The following ASB13 variants were observed in gnomAD, a reference collection of about 807,000 sequenced individuals.
ASB13 encodes the protein ankyrin repeat and SOCS box protein 13.
A neutral mutation model predicts 28.8 loss-of-function variants in ASB13; 33 were observed. The ratio of observed to expected loss-of-function variants is 1.15; its 90% CI spans 0.87 to 1.53. The LOEUF (loss-of-function observed/expected upper bound fraction) is 1.53, where lower values mean the gene tolerates loss of function less well. ASB13 is among the 40% of genes most tolerant of loss of function. The pLI, the probability that ASB13 is intolerant of heterozygous loss-of-function variation, is 0.00. For synonymous variants in ASB13, 182 were observed against 172.9 expected (o/e 1.05, Z -0.41); for missense variants, 414 against 390.1 (o/e 1.06, Z -0.52).
Position 5,645,013 on chromosome 10 carries a change from A to C in ASB13, c.518-3052T>G, listed in dbSNP as rs1046001522. 6.6e-5 allele frequency among the ~76,000 whole-genome samples: 10 copies of C among 152,192 alleles called. No individual in the cohort carries two copies. Among genetic ancestry groups the C allele is most frequent in the African/African-American group, 2.4e-4 (10 of 41,434 alleles). ...GACAAAGACAGGGAGCCAGGAAACA[A>C]GCAGGGAATTAAAAGCTCTGAACTT... On this transcript the variant is annotated intron_variant, in intron 4 of 5. Transcript: ENST00000357700. The surrounding 1 kb of genome is among the most constrained non-coding windows in gnomAD (Gnocchi z 5.4).
At position 5,641,891 on chromosome 10, in the gene ASB13, G is replaced by C; in HGVS notation, c.588C>G (p.Asp196Glu). 6.2e-7 allele frequency: 1 copy of C among 1,614,166 alleles called. No homozygotes were observed. Among genetic ancestry groups the C allele is most frequent in the South Asian group, 1.1e-5 (1 of 91,082 alleles). Residue 196 changes from aspartate (D) to glutamate (E), a missense_variant, in exon 5 of 6, where the codon GAC becomes GAG. Transcript: ENST00000357700. This position sits in a 1 kb window ranked among gnomAD's most constrained non-coding sequence, Gnocchi z 8.4. ...CAAACTCGATAAGCATCTCGATGAG[G>C]TCAACATTCTTGACCTTGGCCGCGT... ...LHHAAKVKNV[D>E]LIEMLIEFGG...
Position 5,647,222 on chromosome 10 carries a change from G to T in ASB13, c.517+1748C>A, listed in dbSNP as rs80194115. On this transcript the variant is annotated intron_variant, in intron 4 of 5. Coordinates refer to ENST00000357700, the MANE Select transcript of ASB13 (RefSeq NM_024701.4). ...AATCCTCCCGCCTCAGCCTCCCAAA[G>T]TGCTGAGACTATGGCTGTGAGCCAC... is the stretch of plus-strand genomic sequence containing the variant. Among the ~76,000 whole-genome samples the T allele has an allele frequency of 1.2e-3, 176 of 152,270 alleles. 5 individuals are homozygous for T. The East Asian group carries it at 0.03, about 26-fold the overall frequency.
Position 5,650,243 on chromosome 10 carries a change from T to C in ASB13, c.382+970A>G, listed in dbSNP as rs1003521843. 1.3e-5 allele frequency among the ~76,000 whole-genome samples: 2 copies of C among 152,136 alleles called. No individual in the cohort carries two copies. ...GATCTCAGCGATGGTCCCCAACTCA[T>C]CCCTCTGCTTCCAGGAGACCCCAGC... On this transcript the variant is annotated intron_variant, in intron 3 of 5. Transcript: ENST00000357700. The surrounding 1 kb of genome is among the most constrained non-coding windows in gnomAD (Gnocchi z 6.0).
In ASB13 at chr10:5,655,103, TAA is replaced by T. The variant is rs75163537; in HGVS notation, c.44-2055_44-2054del. On this transcript the variant is annotated intron_variant, in intron 1 of 5. Transcript: ENST00000357700. This position sits in a 1 kb window ranked among gnomAD's most constrained non-coding sequence, Gnocchi z 6.2. The stretch of plus-strand genomic sequence containing the variant: ...GGCAACAAGAGTGAAACTCTGTCTT[TAA>T]AAAAAAAAAAAAAGTGTCTGCATCG... 7.8e-5 allele frequency among the ~76,000 whole-genome samples: 11 copies of T among 140,726 alleles called. No individual in the cohort carries two copies. The highest frequency in any genetic ancestry group is 2.3e-4 in the South Asian group (1 of 4,384). 92.3% of individuals were successfully genotyped at this position (140,726 alleles called of 152,430 possible).
rs539424909 is a variant in ASB13, at chr10:5,659,627, C to A, written c.44-6577G>T. Among the ~76,000 whole-genome samples the A allele has an allele frequency of 3.3e-5, 5 of 152,146 alleles. No homozygotes were observed. The South Asian group carries it at 1.0e-3, about 32-fold the overall frequency. Reference sequence around the variant, plus strand: ...AATTCCTCGACTGAGGGGACCCCTGCTCCTTCAGGAAGCCTCCCGAGCATG... The same window carrying A: ...AATTCCTCGACTGAGGGGACCCCTGATCCTTCAGGAAGCCTCCCGAGCATG... On this transcript the variant is annotated intron_variant, in intron 1 of 5. Coordinates refer to ENST00000357700, the MANE Select transcript of ASB13 (RefSeq NM_024701.4). The surrounding 1 kb of genome is among the most constrained non-coding windows in gnomAD (Gnocchi z 5.8).
In ASB13 at chr10:5,642,597, A is replaced by G; in HGVS notation, c.518-636T>C. On this transcript the variant is annotated intron_variant, in intron 4 of 5. Coordinates refer to ENST00000357700, the MANE Select transcript of ASB13 (RefSeq NM_024701.4). This position sits in a 1 kb window ranked among gnomAD's most constrained non-coding sequence, Gnocchi z 4.1. ...AAAAAAAAATTTTTTTTTAAAAAAA[A>G]GAGCAGACATTCAGAAAGATGCAAG... 9.8e-7 allele frequency: 1 copy of G among 1,015,774 alleles called. No homozygotes were observed. The highest frequency in any genetic ancestry group is 2.8e-4 in the Middle Eastern group (1 of 3,518). The allele number at this position is 1,015,774 out of a possible 1,614,324, so 62.9% of individuals were successfully genotyped here. A position where few individuals can be genotyped will look rare whatever the true frequency, so the allele number is the denominator to read the frequency against.
At chr10:5,653,869 AT>A (rs1401874810) in intron 1 of ASB13, among the ~76,000 whole-genome samples, 3 of 152,088 alleles carry the variant, frequency 2.0e-5, no homozygotes, top group Non-Finnish European at 4.4e-5. Flanking sequence ...TTCAGTAGAG[AT>A]GGGGTTTCAC....
At position 5,655,551 on chromosome 10, in the gene ASB13, T is replaced by C. The variant is rs149131912; in HGVS notation, c.44-2501A>G. Among the ~76,000 whole-genome samples, 4 of 152,264 alleles carry C rather than the reference T, an allele frequency of 2.6e-5. No individual in the cohort carries two copies. In the East Asian group the frequency reaches 7.7e-4, roughly 29 times the overall value. ...AAGAGCCCGGGTGACCCTATGTCAG[T>C]GGAAGTGGGGACTAGGGAGAACTGA... On this transcript the variant is annotated intron_variant, in intron 1 of 5. Transcript: ENST00000357700. This position sits in a 1 kb window ranked among gnomAD's most constrained non-coding sequence, Gnocchi z 6.2.
At position 5,651,046 on chromosome 10, in the gene ASB13, C is replaced by T. The variant is rs1210687366; in HGVS notation, c.382+167G>A. On this transcript the variant is annotated intron_variant, in intron 3 of 5. Coordinates refer to ENST00000357700, the MANE Select transcript of ASB13 (RefSeq NM_024701.4). This position sits in a 1 kb window ranked among gnomAD's most constrained non-coding sequence, Gnocchi z 5.1. ...ACCTCAAGAAGGGAAAGCTTAGAAT[C>T]TCTGCAGCTGAGCCACCAGGAGCCA... Among the ~76,000 whole-genome samples, 4 of 152,236 alleles carry T rather than the reference C, an allele frequency of 2.6e-5. No homozygotes were observed. Among genetic ancestry groups the T allele is most frequent in the South Asian group, 2.1e-4 (1 of 4,836 alleles).
In ASB13 at chr10:5,663,917, CTG is replaced by C. The variant is rs1244913442; in HGVS notation, c.43+2590_43+2591del. On this transcript the variant is annotated intron_variant, in intron 1 of 5. Coordinates refer to ENST00000357700, the MANE Select transcript of ASB13 (RefSeq NM_024701.4). This position sits in a 1 kb window ranked among gnomAD's most constrained non-coding sequence, Gnocchi z 4.9. ...GACACTGAAATCAAGAGCGATAGAG[CTG>C]TGTTTCTGATTAAACACGGAGGATC... 6.6e-6 allele frequency among the ~76,000 whole-genome samples: 1 copy of C among 152,198 alleles called. No homozygotes were observed. Among genetic ancestry groups the C allele is most frequent in the Non-Finnish European group, 1.5e-5 (1 of 68,042 alleles).
In ASB13 at chr10:5,640,492, A is replaced by G. The variant is rs970694306; in HGVS notation, c.*211T>C. The G allele has an allele frequency of 3.4e-6, 2 of 596,282 alleles. No individual in the cohort carries two copies. Among genetic ancestry groups the G allele is most frequent in the Non-Finnish European group, 5.8e-6 (2 of 347,534 alleles). The allele number at this position is 596,282 out of a possible 1,614,324, so 36.9% of individuals were successfully genotyped here. On this transcript the variant is annotated 3_prime_UTR_variant, in exon 6 of 6. Coordinates refer to ENST00000357700, the MANE Select transcript of ASB13 (RefSeq NM_024701.4). ...TGTAGAACAGCGCAGGGCCACACCCACAACTGTGACCTGAGACGCAGGCCT... is the reference window on the plus strand; with the variant it reads ...TGTAGAACAGCGCAGGGCCACACCCGCAACTGTGACCTGAGACGCAGGCCT...
At position 5,659,542 on chromosome 10, in the gene ASB13, G is replaced by A. The variant is rs1467544537; in HGVS notation, c.44-6492C>T. 2.0e-5 allele frequency among the ~76,000 whole-genome samples: 3 copies of A among 152,284 alleles called. No individual in the cohort carries two copies. The East Asian group carries it at 5.8e-4, about 29-fold the overall frequency. On this transcript the variant is annotated intron_variant, in intron 1 of 5. Coordinates refer to ENST00000357700, the MANE Select transcript of ASB13 (RefSeq NM_024701.4). This position sits in a 1 kb window ranked among gnomAD's most constrained non-coding sequence, Gnocchi z 5.8. The stretch of plus-strand genomic sequence containing the variant: ...GCAAGTCCCATGCTTTGCGTATGCT[G>A]TTCCTTCCCCTGCCTGGAAAGCTCT...
Position 5,639,591 on chromosome 10 carries a change from T to C in ASB13, c.*1112A>G, listed in dbSNP as rs1023120724. ...AATACGCTACCGAATGCTCCACCTA[T>C]GGCTTATAATGCAGAACGACCTGTT... is the stretch of plus-strand genomic sequence containing the variant. On this transcript the variant is annotated 3_prime_UTR_variant, in exon 6 of 6. Transcript: ENST00000357700. 7 of 152,180 alleles carry C rather than the reference T, an allele frequency of 4.6e-5. No homozygotes were observed. Among genetic ancestry groups the C allele is most frequent in the African/African-American group, 1.2e-4 (5 of 41,430 alleles). The allele number at this position is 152,180 out of a possible 1,614,324, so 9.4% of individuals were successfully genotyped here. A position where few individuals can be genotyped will look rare whatever the true frequency, so the allele number is the denominator to read the frequency against.
intron 4 of ASB13, among the ~76,000 whole-genome samples, chr10:5,647,405 A>G (rs1042141863): frequency 6.6e-6 from 1 of 152,228 alleles, no homozygotes; most frequent in African/African-American, 2.4e-5. Flanking sequence ...TTTGGTATAG[A>G]CAGGTCCTGA....
rs934516065 is a variant in ASB13, at chr10:5,639,805, G to A, written c.*898C>T. On this transcript the variant is annotated 3_prime_UTR_variant, in exon 6 of 6. Transcript: ENST00000357700. ...TCATTTGACAACCATAGAAACAGAT[G>A]AAAAACAATTCCCACAGAGTCTCCA... 6.1e-4 allele frequency: 5 copies of A among 8,234 alleles called. No individual in the cohort carries two copies. The highest frequency in any genetic ancestry group is 1.3e-3 in the Non-Finnish European group (4 of 3,092). 0.5% of individuals were successfully genotyped at this position (8,234 alleles called of 1,614,324 possible).
rs763664997 is a variant in ASB13 at position 5,651,325 on chromosome 10, G to A, written c.270C>T (p.Cys90=). 38 of 1,613,212 alleles carry A rather than the reference G, an allele frequency of 2.4e-5. No homozygotes were observed. In the East Asian group the frequency reaches 2.5e-4, roughly 10 times the overall value. ...CGATGCTGCCCGAGGCGCAGGCATC[G>A]CAGAGCGGGGTGCTGCCGTCGATGT... is the stretch of plus-strand genomic sequence containing the variant. The part of the protein sequence containing the change: ...ARNIDGSTPL[C]DACASGSIEC... The change falls in exon 3 of 6, where the codon TGC becomes TGT. Residue 90 remains cysteine (C), a synonymous_variant. Transcript: ENST00000357700. This position sits in a 1 kb window ranked among gnomAD's most constrained non-coding sequence, Gnocchi z 5.1.
chr10:5,654,145 C>CTTTTTTTTTTT (rs145949502), intron 1 of ASB13, among the ~76,000 whole-genome samples: 6 of 128,774 alleles, frequency 4.7e-5, no homozygotes, highest in African/African-American at 8.8e-5. Context: ...TTCTTTTTTT[C>CTTTTTTTTTTT]TTTTTTTTTT....
At chr10:5,643,682 A>T (rs955047186) in intron 4 of ASB13, among the ~76,000 whole-genome samples, 2 of 152,378 alleles carry the variant, frequency 1.3e-5, no homozygotes, top group East Asian at 3.9e-4. Context: ...ACACGAAGTA[A>T]ATTTTAACAC....
Position 5,655,994 on chromosome 10 carries a change from T to C in ASB13, c.44-2944A>G, listed in dbSNP as rs566223636. Among the ~76,000 whole-genome samples the C allele has an allele frequency of 4.6e-5, 7 of 152,214 alleles. No individual in the cohort carries two copies. The East Asian group carries it at 1.4e-3, about 29-fold the overall frequency. On this transcript the variant is annotated intron_variant, in intron 1 of 5. Coordinates refer to ENST00000357700, the MANE Select transcript of ASB13 (RefSeq NM_024701.4). The surrounding 1 kb of genome is among the most constrained non-coding windows in gnomAD (Gnocchi z 6.2). ...TCACAGTCAGGGACCAGGGAATAAA[T>C]GCGCAGATAATTCACAACATGACAA...
Sources: allele counts gnomAD v4.1 joint callset (sites outside exome capture counted in the v4.1 genomes callset), GRCh38; gene constraint gnomAD v4.1.1; non-coding constraint Gnocchi (gnomAD v3.1); transcripts MANE v1.5; gene names NCBI Gene and HGNC (gene_info 2026-07-23, HGNC 2026-07-21).